ST6GALNAC1: variants seen among roughly 807,000 people sequenced by gnomAD.
The protein encoded by ST6GALNAC1 is ST6 N-acetylgalactosaminide alpha-2,6-sialyltransferase 1, also known as alpha-N-acetylgalactosaminide alpha-2,6-sialyltransferase 1.
Under a neutral mutation model 56.8 loss-of-function variants are expected in ST6GALNAC1, and 45 were observed. The ratio of observed to expected loss-of-function variants is 0.79; its 90% CI spans 0.62 to 1.02. The LOEUF (loss-of-function observed/expected upper bound fraction) is 1.02, where lower values mean the gene tolerates loss of function less well. ST6GALNAC1 is among the 50% of genes least tolerant of loss of function. ST6GALNAC1 has a pLI of 0.00. For synonymous variants in ST6GALNAC1, 295 were observed against 297.8 expected (o/e 0.99, Z 0.10); for missense variants, 743 against 754.8 (o/e 0.98, Z 0.18).
At chr17:76,621,934 CTTTCT>C (rs1409669667), downstream of ST6GALNAC1, among the ~76,000 whole-genome samples, 11 of 80,398 alleles carry the variant, frequency 1.4e-4, no homozygotes, top group African/African-American at 3.5e-4. Context: ...TGTTTAAAGT[CTTTCT>C]TTTCTTTTTT....
rs367949095 is a variant in ST6GALNAC1 at position 76,627,799 on chromosome 17, C to A, written c.832-216G>T. Among the ~76,000 whole-genome samples the A allele has an allele frequency of 2.0e-5, 3 of 152,086 alleles. No individual in the cohort carries two copies. The highest frequency in any genetic ancestry group is 4.4e-5 in the Non-Finnish European group (3 of 68,014). On this transcript the variant is annotated intron_variant, in intron 2 of 8. Coordinates refer to ENST00000156626, the MANE Select transcript of ST6GALNAC1 (RefSeq NM_018414.5). The surrounding 1 kb of genome is among the most constrained non-coding windows in gnomAD (Gnocchi z 4.4). ...CTGGGAAATGGGTGTTCTCGGCCATCGAGGCAAATGCACCTAGGCCGGGTG... is the reference window on the plus strand; with the variant it reads ...CTGGGAAATGGGTGTTCTCGGCCATAGAGGCAAATGCACCTAGGCCGGGTG...
chr17:76,626,999 G>A (rs1266014144), intron 4 of ST6GALNAC1, 68 bp downstream of exon 4: 1 of 1,489,160 alleles, frequency 6.7e-7, no homozygotes, highest in African/African-American at 1.4e-5. Context: ...GGGCAAGAGA[G>A]GGGCTGGAGG....
rs138031739 is a variant in ST6GALNAC1 at position 76,626,728 on chromosome 17, C to T, written c.1234G>A (p.Gly412Ser). 148 of 1,614,152 alleles carry T rather than the reference C, an allele frequency of 9.2e-5. 1 individual carries two copies. In the African/African-American group the frequency reaches 1.4e-3, roughly 15 times the overall value. Residue 412 changes from glycine to serine, a missense_variant, in exon 5 of 9, where the codon GGC (glycine) becomes AGC (serine). Gly to Ser is a moderately conservative substitution (Grantham distance 56). Transcript: ENST00000156626. ...TGGGTCAGGGAGAAGGCGGTAAAGC[C>T]GTAGAAGGATGTCCGAGTCCCCACA... ...QDVGTRTSFYGFTAFSLTQSL... is the reference protein window; with the variant it reads ...QDVGTRTSFYSFTAFSLTQSL...
intron 2 of ST6GALNAC1, 140 bp downstream of exon 2, chr17:76,628,872 G>A: frequency 2.6e-6 from 2 of 760,700 alleles, no homozygotes; most frequent in Non-Finnish European, 4.3e-6. Flanking sequence ...GCTGAGCTCT[G>A]CCTCATAATG....
chr17:76,639,883 C>A (rs1379667191), intron 1 of ST6GALNAC1, among the ~76,000 whole-genome samples: 1 of 151,772 alleles, frequency 6.6e-6, no homozygotes, highest in Non-Finnish European at 1.5e-5. Flanking sequence ...CCTCTTTTTT[C>A]AAGTCGTTAA....
the ST6GALNAC1 span, among the ~76,000 whole-genome samples, chr17:76,619,740 G>GTTTTTTTTTTTT: frequency 9.8e-6 from 1 of 101,572 alleles, no homozygotes; most frequent in African/African-American, 3.9e-5. Context: ...AATAATGTTA[G>GTTTTTTTTTTTT]TTTTTTTTTT....
chr17:76,632,097 C>T (rs60006448), intron 1 of ST6GALNAC1, among the ~76,000 whole-genome samples: 16,952 of 151,962 alleles, frequency 0.11, 1,102 homozygotes, highest in African/African-American at 0.17. Context: ...AAGCTGTTCA[C>T]CCGGTTTAAC....
At chr17:76,638,111 T>G (rs1350916953) in intron 1 of ST6GALNAC1, among the ~76,000 whole-genome samples, 1 of 19,460 alleles carries the variant, frequency 5.1e-5, no homozygotes, top group Non-Finnish European at 8.8e-5. Flanking sequence ...CAGCTCACTC[T>G]TTTTTTTTTT....
At chr17:76,624,627 C>A (rs886639487), downstream of ST6GALNAC1, 1 of 152,342 alleles carries the variant, frequency 6.6e-6, no homozygotes, top group Non-Finnish European at 1.5e-5. Flanking sequence ...GTAAGGTGAA[C>A]TGAAATGTCT....
At chr17:76,619,605 C>T in the ST6GALNAC1 span, among the ~76,000 whole-genome samples, 1 of 152,106 alleles carries the variant, frequency 6.6e-6, no homozygotes, top group Non-Finnish European at 1.5e-5. Context: ...AATGATAAAG[C>T]AGTGTGAAAA....
At position 76,625,893 on chromosome 17, in the gene ST6GALNAC1, C is replaced by T; in HGVS notation, c.1531G>A (p.Gly511Ser). Residue 511 changes from glycine to serine, a missense_variant, in exon 8 of 9, where the codon GGT becomes AGT. By Grantham distance (56) the Gly-to-Ser change is moderately conservative. Coordinates refer to ENST00000156626, the MANE Select transcript of ST6GALNAC1 (RefSeq NM_018414.5). ...NRFLRSKTLD[G>S]AHWRIYRPTT... ...GGGCGGTATATCCTCCAGTGGGCAC[C>T]ATCCAGGGTCTTAGACCTCAGAAAC... The T allele has an allele frequency of 1.3e-6, 2 of 1,566,482 alleles. No individual in the cohort carries two copies. The highest frequency in any genetic ancestry group is 1.7e-6 in the Non-Finnish European group (2 of 1,157,438).
chr17:76,636,060 T>A (rs1567960335), intron 1 of ST6GALNAC1, among the ~76,000 whole-genome samples: 1 of 152,162 alleles, frequency 6.6e-6, no homozygotes, highest in Non-Finnish European at 1.5e-5. Flanking sequence ...GTGTGCTTAT[T>A]ACGGAAAAAG....
In ST6GALNAC1 at chr17:76,625,006, T is replaced by C. The variant is rs1472671064; in HGVS notation, c.*324A>G. ...AACCAGATCTATATGTTTCTGTAAA[T>C]CCAGGCTCTTTTTTCTGTATCAAGA... On this transcript the variant is annotated 3_prime_UTR_variant, in exon 9 of 9. Coordinates refer to ENST00000156626, the MANE Select transcript of ST6GALNAC1 (RefSeq NM_018414.5). The C allele has an allele frequency of 2.8e-6, 1 of 359,062 alleles. No homozygotes were observed. The highest frequency in any genetic ancestry group is 2.1e-5 in the African/African-American group (1 of 48,002). The allele number at this position is 359,062 out of a possible 1,614,324, so 22.2% of individuals were successfully genotyped here.
At chr17:76,642,166 A>G (rs2076056977) in intron 1 of ST6GALNAC1, among the ~76,000 whole-genome samples, 1 of 151,630 alleles carries the variant, frequency 6.6e-6, no homozygotes, top group Non-Finnish European at 1.5e-5. Context: ...CTATCTATCC[A>G]TCTATCTGTC....
At chr17:76,618,095 C>T in the ST6GALNAC1 span, among the ~76,000 whole-genome samples, 1 of 152,208 alleles carries the variant, frequency 6.6e-6, no homozygotes, top group Non-Finnish European at 1.5e-5. Context: ...CCAAGGTTTC[C>T]CCGTTCTATG....
At position 76,643,627 on chromosome 17, in the gene ST6GALNAC1, G is replaced by A; in HGVS notation, c.12C>T (p.Cys4=). 6 of 1,614,048 alleles carry A rather than the reference G, an allele frequency of 3.7e-6. No individual in the cohort carries two copies. The highest frequency in any genetic ancestry group is 5.1e-6 in the Non-Finnish European group (6 of 1,179,938). Residue 4 remains cysteine, a synonymous_variant, in exon 1 of 9, where the codon TGC becomes TGT. Coordinates refer to ENST00000156626, the MANE Select transcript of ST6GALNAC1 (RefSeq NM_018414.5). ...GGCTCAGGTGCCTGCATCTCCACAG[G>A]CAGGACCTCATGGTGGTGGGTCGGG... MRS[C]LWRCRHLSQG...
the ST6GALNAC1 span, among the ~76,000 whole-genome samples, chr17:76,618,458 G>A: frequency 6.6e-6 from 1 of 152,074 alleles, no homozygotes; most frequent in Non-Finnish European, 1.5e-5. Flanking sequence ...TGTAATTTTA[G>A]GTTGATCTTG....
intron 1 of ST6GALNAC1, among the ~76,000 whole-genome samples, chr17:76,642,575 C>T (rs1471928676): frequency 6.6e-6 from 1 of 152,094 alleles, no homozygotes; most frequent in Non-Finnish European, 1.5e-5. Flanking sequence ...CCTGCTTCAC[C>T]TTTCTGTATT....
Position 76,627,244 on chromosome 17 carries a change from A to C in ST6GALNAC1, c.1001-6T>G, listed in dbSNP as rs1212958115. ...TGTCACGACCTTCTGCACCACTGGA[A>C]CAAGAGTGGGGGTGCTCCATTCAGA... On this transcript the variant is annotated splice_region_variant and splice_polypyrimidine_tract_variant and intron_variant, in intron 3 of 8. Coordinates refer to ENST00000156626, the MANE Select transcript of ST6GALNAC1 (RefSeq NM_018414.5). The surrounding 1 kb of genome is among the most constrained non-coding windows in gnomAD (Gnocchi z 4.4). The C allele has an allele frequency of 1.3e-6, 2 of 1,557,656 alleles. No homozygotes were observed. Among genetic ancestry groups the C allele is most frequent in the Non-Finnish European group, 1.7e-6 (2 of 1,151,446 alleles).
Sources: allele counts gnomAD v4.1 joint callset (sites outside exome capture counted in the v4.1 genomes callset), GRCh38; gene constraint gnomAD v4.1.1; non-coding constraint Gnocchi (gnomAD v3.1); transcripts MANE v1.5; gene names NCBI Gene and HGNC (gene_info 2026-07-23, HGNC 2026-07-21).